ANO2: variants seen among roughly 807,000 people sequenced by gnomAD.
ANO2 encodes the protein anoctamin 2.
A neutral mutation model predicts 124.2 loss-of-function variants in ANO2; 101 were observed. The observed-to-expected ratio is 0.81, with a 90% CI of 0.69 to 0.96. The LOEUF (loss-of-function observed/expected upper bound fraction) is 0.96. Ranked by LOEUF, ANO2 falls within the 40% of genes least tolerant of loss-of-function variation. ANO2 has a pLI of 0.00. For missense variants in ANO2, 1,293 were observed against 1,274.5 expected (o/e 1.01, Z -0.22); for synonymous variants, 486 against 482.5 (o/e 1.01, Z -0.09).
intron 16 of ANO2, among the ~76,000 whole-genome samples, chr12:5,628,667 AGTGT>A (rs72150450): frequency 0.032 from 4,873 of 150,870 alleles, 255 homozygotes; most frequent in African/African-American, 0.11. Flanking sequence ...GTAAGCAGAG[AGTGT>A]GTGTGTGTGT....
intron 19 of ANO2, among the ~76,000 whole-genome samples, chr12:5,611,180 A>G (rs954055714): frequency 2.0e-5 from 3 of 151,928 alleles, no homozygotes; most frequent in African/African-American, 7.3e-5. Context: ...CATATTGGCC[A>G]GGCTGGTCTC....
At chr12:5,583,393 C>T (rs1340394140) in intron 20 of ANO2, among the ~76,000 whole-genome samples, 2 of 152,082 alleles carry the variant, frequency 1.3e-5, no homozygotes, top group African/African-American at 2.4e-5. Context: ...GTGGCTCACG[C>T]CTGTAATCCC....
intron 24 of ANO2, 63 bp downstream of exon 24, chr12:5,565,495 G>T: frequency 7.4e-7 from 1 of 1,353,550 alleles, no homozygotes; most frequent in Non-Finnish European, 1.0e-6. Context: ...CAAGCAATGA[G>T]TGCAGTGTCC....
chr12:5,852,591 T>C (rs1954945258), intron 4 of ANO2, among the ~76,000 whole-genome samples: 1 of 152,094 alleles, frequency 6.6e-6, no homozygotes, highest in African/African-American at 2.4e-5. Context: ...TGATTTTTGA[T>C]GGAGATAGCA....
In ANO2 at chr12:5,634,600, T is replaced by C. The variant is rs539584005; in HGVS notation, c.1816+552A>G. Among the ~76,000 whole-genome samples, 5 of 152,322 alleles carry C rather than the reference T, an allele frequency of 3.3e-5. No homozygotes were observed. In the East Asian group the frequency reaches 9.6e-4, roughly 29 times the overall value. ...ATGACACACCTGAATATTGAGGCCG[T>C]TGCATTTTTCTCACTGGCTTGAAGC... is the stretch of plus-strand genomic sequence containing the variant. On this transcript the variant is annotated intron_variant, in intron 16 of 24. Coordinates refer to ENST00000682330, the MANE Select transcript of ANO2 (RefSeq NM_001364791.2).
chr12:5,594,617 C>T (rs1025021083), intron 20 of ANO2, among the ~76,000 whole-genome samples: 1 of 152,158 alleles, frequency 6.6e-6, no homozygotes, highest in South Asian at 2.1e-4. Context: ...GGGAGGATTG[C>T]TTGAGTTCTG....
intron 23 of ANO2, among the ~76,000 whole-genome samples, chr12:5,569,158 T>C (rs531594594): frequency 6.6e-6 from 1 of 152,312 alleles, no homozygotes; most frequent in Admixed American, 6.5e-5. Flanking sequence ...GGCACAGCCA[T>C]ACAGGGCTTC....
intron 12 of ANO2, 93 bp downstream of exon 12, chr12:5,744,064 T>G: frequency 6.7e-7 from 1 of 1,490,660 alleles, no homozygotes; most frequent in South Asian, 1.3e-5. Flanking sequence ...AATGCGAAAG[T>G]AAGTAACCTG....
intron 23 of ANO2, among the ~76,000 whole-genome samples, chr12:5,566,487 G>C (rs1565417917): frequency 6.6e-6 from 1 of 152,060 alleles, no homozygotes; most frequent in Non-Finnish European, 1.5e-5. Flanking sequence ...AAATGACAAG[G>C]GGCTGGTACC....
At chr12:5,887,106 C>T (rs1023975793) in intron 3 of ANO2, among the ~76,000 whole-genome samples, 7 of 151,944 alleles carry the variant, frequency 4.6e-5, no homozygotes, top group African/African-American at 1.5e-4. Flanking sequence ...GTACATTTAA[C>T]CACAATAAAA....
At chr12:5,807,627 G>A (rs1458235988) in intron 7 of ANO2, among the ~76,000 whole-genome samples, 1 of 152,176 alleles carries the variant, frequency 6.6e-6, no homozygotes, top group East Asian at 1.9e-4. Context: ...TGTCTTCAAA[G>A]ATTCCAGTCA....
rs984003732 is a variant in ANO2 at position 5,575,944 on chromosome 12, C to G, written c.2511G>C (p.Gly837=). The G allele has an allele frequency of 2.5e-6, 4 of 1,613,194 alleles. No homozygotes were observed. The African/African-American group carries it at 5.3e-5, about 22-fold the overall frequency. ...TGTGGTTGACAAAGCCGTGCAGAGTCCCATTGTGACTGTAGGAGTACTGGT... is the reference window on the plus strand; with the variant it reads ...TGTGGTTGACAAAGCCGTGCAGAGTGCCATTGTGACTGTAGGAGTACTGGT... ...LVYQYSYSHN[G]TLHGFVNHTL... The change falls in exon 23 of 25, where the codon GGG becomes GGC. Residue 837 remains glycine (G), a synonymous_variant. Transcript: ENST00000682330.
intron 20 of ANO2, among the ~76,000 whole-genome samples, chr12:5,579,345 G>A (rs559440538): frequency 3.3e-5 from 5 of 152,304 alleles, no homozygotes; most frequent in Non-Finnish European, 5.9e-5. Flanking sequence ...GGAGAGGAAC[G>A]TACATTGTTC....
At chr12:5,932,851 G>A (rs572996858) in intron 1 of ANO2, among the ~76,000 whole-genome samples, 1 of 152,210 alleles carries the variant, frequency 6.6e-6, no homozygotes, top group Non-Finnish European at 1.5e-5. Flanking sequence ...TCTCCCTAGA[G>A]CTGTCAGGGA....
Position 5,575,897 on chromosome 12 carries a change from C to T in ANO2, c.2558G>A (p.Ser853Asn), listed in dbSNP as rs1942371821. The T allele has an allele frequency of 1.2e-6, 2 of 1,613,702 alleles. No individual in the cohort carries two copies. Among genetic ancestry groups the T allele is most frequent in the Non-Finnish European group, 1.7e-6 (2 of 1,179,856 alleles). The part of the protein sequence containing the change: ...VNHTLSFFNV[S>N]QLKEGTQPEN... ...TGGCTGCGTCCCCTCCTTCAGCTGGCTGACGTTGAAAAAGGAGAGGGTGTG... is the reference window on the plus strand; with the variant it reads ...TGGCTGCGTCCCCTCCTTCAGCTGGTTGACGTTGAAAAAGGAGAGGGTGTG... Residue 853 changes from serine to asparagine, a missense_variant, in exon 23 of 25, where the codon AGC becomes AAC. By Grantham distance (46) the Ser-to-Asn change is conservative. Coordinates refer to ENST00000682330, the MANE Select transcript of ANO2 (RefSeq NM_001364791.2).
At chr12:5,887,701 A>G (rs1939033441) in intron 3 of ANO2, among the ~76,000 whole-genome samples, 1 of 152,244 alleles carries the variant, frequency 6.6e-6, no homozygotes, top group Non-Finnish European at 1.5e-5. Flanking sequence ...CTTGGGAAGG[A>G]AGCAGAGAAG....
At chr12:5,942,247 T>C (rs1243833291) in intron 1 of ANO2, among the ~76,000 whole-genome samples, 1 of 152,160 alleles carries the variant, frequency 6.6e-6, no homozygotes, top group African/African-American at 2.4e-5. Flanking sequence ...AATTTCATGG[T>C]TTTCAAATAG....
chr12:5,629,199 C>T (rs1188705314), intron 16 of ANO2, among the ~76,000 whole-genome samples: 2 of 152,230 alleles, frequency 1.3e-5, no homozygotes, highest in Non-Finnish European at 2.9e-5. Flanking sequence ...AGCCAGCATT[C>T]TGCAAAGAGT....
intron 20 of ANO2, chr12:5,583,956 C>A: frequency 4.3e-6 from 1 of 230,232 alleles, no homozygotes; most frequent in Non-Finnish European, 9.6e-6. Context: ...CCTGAAGGCA[C>A]GGAGCACCAT....
Sources: allele counts gnomAD v4.1 joint callset (sites outside exome capture counted in the v4.1 genomes callset), GRCh38; gene constraint gnomAD v4.1.1; transcripts MANE v1.5; gene names NCBI Gene and HGNC (gene_info 2026-07-23, HGNC 2026-07-21).